The following EBF3 variants were observed in gnomAD, a reference collection of about 807,000 sequenced individuals.
EBF3 encodes the protein transcription factor COE3.
A neutral mutation model predicts 77.1 loss-of-function variants in EBF3; 18 were observed. The ratio of observed to expected loss-of-function variants is 0.23; its 90% CI spans 0.16 to 0.35. EBF3 has a LOEUF of 0.35. Among genes scored for constraint, EBF3 ranks in the 10% least tolerant of loss-of-function variants. EBF3 has a pLI of 1.00. For missense variants in EBF3, 558 were observed against 860.0 expected (o/e 0.65, Z 4.39); for synonymous variants, 350 against 343.5 (o/e 1.02, Z -0.21).
intron 6 of EBF3, among the ~76,000 whole-genome samples, chr10:129,927,482 T>C (rs1856750439): frequency 6.6e-6 from 1 of 152,170 alleles, no homozygotes; most frequent in African/African-American, 2.4e-5. Context: ...TGGTTCCATC[T>C]ACTAAGCCAA....
rs747191219 is a variant in EBF3, at chr10:129,947,335, T to A, written c.554+9923A>T. 6.6e-6 allele frequency among the ~76,000 whole-genome samples: 1 copy of A among 152,206 alleles called. No individual in the cohort carries two copies. Among genetic ancestry groups the A allele is most frequent in the Non-Finnish European group, 1.5e-5 (1 of 68,044 alleles). ...TCTGTCTCGTATTAAATACCACATA[T>A]AACTCTCAGCAGGTTTTATGTTGTG... is the stretch of plus-strand genomic sequence containing the variant. On this transcript the variant is annotated intron_variant, in intron 6 of 16. Coordinates refer to ENST00000440978, the MANE Select transcript of EBF3 (RefSeq NM_001375380.1). This position sits in a 1 kb window ranked among gnomAD's most constrained non-coding sequence, Gnocchi z 4.5.
chr10:129,888,632 G>A (rs899151013), intron 6 of EBF3, among the ~76,000 whole-genome samples: 8 of 152,170 alleles, frequency 5.3e-5, no homozygotes, highest in African/African-American at 1.7e-4. Context: ...GGTGGGAACC[G>A]AACACCAGAT....
intron 10 of EBF3, among the ~76,000 whole-genome samples, chr10:129,858,570 C>G (rs1851412474): frequency 6.6e-6 from 1 of 152,186 alleles, no homozygotes; most frequent in South Asian, 2.1e-4. Flanking sequence ...AAGCATCTGA[C>G]TGACCCCAGC....
At chr10:129,853,774 G>C (rs978770199) in intron 10 of EBF3, among the ~76,000 whole-genome samples, 22 of 152,194 alleles carry the variant, frequency 1.4e-4, no homozygotes, top group Admixed American at 1.3e-4. Flanking sequence ...AGTGATTTCA[G>C]TGACAAAGTG....
At chr10:129,905,962 T>C (rs1339966479) in intron 6 of EBF3, among the ~76,000 whole-genome samples, 2 of 152,204 alleles carry the variant, frequency 1.3e-5, no homozygotes, top group Non-Finnish European at 2.9e-5. Context: ...TTTAGAATAA[T>C]TTGGCCTGAA....
intron 10 of EBF3, among the ~76,000 whole-genome samples, chr10:129,855,829 G>A (rs544089429): frequency 2.0e-5 from 3 of 152,342 alleles, no homozygotes; most frequent in African/African-American, 7.2e-5. Flanking sequence ...GAGGAGAGAG[G>A]TCTTAAGAAC....
chr10:129,900,158 G>GCCAAT (rs1238761635), intron 6 of EBF3, among the ~76,000 whole-genome samples: 1 of 152,170 alleles, frequency 6.6e-6, no homozygotes, highest in African/African-American at 2.4e-5. Context: ...CTAAATAAAT[G>GCCAAT]CCAATATTCA....
chr10:129,872,466 G>C (rs972061840), intron 8 of EBF3, among the ~76,000 whole-genome samples: 1 of 152,100 alleles, frequency 6.6e-6, no homozygotes, highest in Non-Finnish European at 1.5e-5. Context: ...TATATTTCAC[G>C]CTGATAATCT....
At chr10:129,908,785 T>G (rs1855319062) in intron 6 of EBF3, among the ~76,000 whole-genome samples, 1 of 152,250 alleles carries the variant, frequency 6.6e-6, no homozygotes. Context: ...TCCTTTCCAC[T>G]GTCTGGCCTG....
chr10:129,955,255 T>C (rs183135124), intron 6 of EBF3, among the ~76,000 whole-genome samples: 2 of 152,330 alleles, frequency 1.3e-5, no homozygotes, highest in East Asian at 3.9e-4. Context: ...ATCCCTAAAA[T>C]AGACGGTGAT....
In EBF3 at chr10:129,879,946, C is replaced by G. The variant is rs1047602469; in HGVS notation, c.555-2097G>C. On this transcript the variant is annotated intron_variant, in intron 6 of 16. Transcript: ENST00000440978. The surrounding 1 kb of genome is among the most constrained non-coding windows in gnomAD (Gnocchi z 4.7). ...CTAATCTTCGGAGCAGGCGCCGGCC[C>G]GAGAAGCTGCTCATCTGCAAATGTA... is the stretch of plus-strand genomic sequence containing the variant. 6.6e-6 allele frequency among the ~76,000 whole-genome samples: 1 copy of G among 152,156 alleles called. No homozygotes were observed. Among genetic ancestry groups the G allele is most frequent in the Non-Finnish European group, 1.5e-5 (1 of 68,036 alleles).
At chr10:129,890,461 A>C (rs891809683) in intron 6 of EBF3, among the ~76,000 whole-genome samples, 4 of 152,264 alleles carry the variant, frequency 2.6e-5, no homozygotes, top group African/African-American at 9.6e-5. Flanking sequence ...CATTAACACC[A>C]TAAGGTGTGA....
chr10:129,928,172 G>A (rs951555211), intron 6 of EBF3, among the ~76,000 whole-genome samples: 2 of 152,190 alleles, frequency 1.3e-5, no homozygotes, highest in African/African-American at 4.8e-5. Flanking sequence ...TGACAGACGT[G>A]TGAACAGACG....
chr10:129,943,235 C>T lies in EBF3; in HGVS notation c.554+14023G>A, dbSNP rs189271448. Among the ~76,000 whole-genome samples the T allele has an allele frequency of 6.6e-6, 1 of 152,154 alleles. No individual in the cohort carries two copies. Among genetic ancestry groups the T allele is most frequent in the Non-Finnish European group, 1.5e-5 (1 of 68,034 alleles). Reference sequence around the variant, plus strand: ...CCTTCCCAGTTGGAGGGGATTTCAGCGGCTCTCCACAAACAAATAAACAGC... The same window carrying T: ...CCTTCCCAGTTGGAGGGGATTTCAGTGGCTCTCCACAAACAAATAAACAGC... On this transcript the variant is annotated intron_variant, in intron 6 of 16. Transcript: ENST00000440978. The surrounding 1 kb of genome is among the most constrained non-coding windows in gnomAD (Gnocchi z 8.8).
intron 10 of EBF3, among the ~76,000 whole-genome samples, chr10:129,850,034 G>A (rs969144092): frequency 6.6e-6 from 1 of 152,262 alleles, no homozygotes; most frequent in Non-Finnish European, 1.5e-5. Context: ...TTCGGGCCGC[G>A]GGGCGCGTGC....
chr10:129,898,774 G>A (rs1205832119), intron 6 of EBF3, among the ~76,000 whole-genome samples: 3 of 152,174 alleles, frequency 2.0e-5, no homozygotes. Flanking sequence ...CTGCCAAGCT[G>A]GTCCCAGCCT....
intron 11 of EBF3, among the ~76,000 whole-genome samples, chr10:129,846,657 G>A (rs1006956424): frequency 7.9e-5 from 12 of 151,914 alleles, no homozygotes; most frequent in South Asian, 2.1e-4. Context: ...ATGATGAATC[G>A]CTTGGCAGTT....
chr10:129,916,433 C>T (rs908238851), intron 6 of EBF3, among the ~76,000 whole-genome samples: 5 of 152,240 alleles, frequency 3.3e-5, no homozygotes, highest in African/African-American at 1.2e-4. Flanking sequence ...TCTGCCCTGG[C>T]ATGTGGACTG....
At chr10:129,868,663 C>T (rs1047900145) in intron 8 of EBF3, among the ~76,000 whole-genome samples, 5 of 152,162 alleles carry the variant, frequency 3.3e-5, no homozygotes, top group Admixed American at 6.5e-5. Context: ...GGGAGGGGAC[C>T]AAGAGGCCAC....
Sources: allele counts gnomAD v4.1 joint callset (sites outside exome capture counted in the v4.1 genomes callset), GRCh38; gene constraint gnomAD v4.1.1; non-coding constraint Gnocchi (gnomAD v3.1); transcripts MANE v1.5; gene names NCBI Gene and HGNC (gene_info 2026-07-23, HGNC 2026-07-21).